RALYL: variants seen among roughly 807,000 people sequenced by gnomAD.
RALYL encodes the protein RALY RNA binding protein like, also known as RNA-binding Raly-like protein.
In RALYL, 29 loss-of-function variants were observed where a neutral mutation model predicts 35.1. That is an observed-to-expected ratio of 0.83 (90% CI 0.61 to 1.13). The LOEUF is 1.13. Among genes scored for constraint, RALYL ranks in the 50% most tolerant of loss-of-function variants. The pLI is 0.00. For synonymous variants in RALYL, 120 were observed against 127.6 expected (o/e 0.94, Z 0.40); for missense variants, 359 against 360.4 (o/e 1.00, Z 0.03).
chr8:84,791,971 C>T (rs1480748377), intron 3 of RALYL, among the ~76,000 whole-genome samples: 1 of 152,124 alleles, frequency 6.6e-6, no homozygotes, highest in East Asian at 1.9e-4. Flanking sequence ...TATGTGTGCA[C>T]TCAAACCCCT....
intron 2 of RALYL, among the ~76,000 whole-genome samples, chr8:84,722,302 G>A (rs1365465257): frequency 6.6e-6 from 1 of 151,824 alleles, no homozygotes; most frequent in African/African-American, 2.4e-5. Context: ...AGATAAAATT[G>A]TTAAAAGAGC....
intron 1 of RALYL, among the ~76,000 whole-genome samples, chr8:84,361,010 TA>T (rs1295951016): frequency 6.6e-6 from 1 of 151,068 alleles, no homozygotes; most frequent in Non-Finnish European, 1.5e-5. Context: ...TTTGCCATTT[TA>T]AGAATCAGTG....
intron 1 of RALYL, among the ~76,000 whole-genome samples, chr8:84,313,458 T>C (rs1272714475): frequency 1.3e-5 from 2 of 152,208 alleles, no homozygotes; most frequent in Non-Finnish European, 2.9e-5. Flanking sequence ...ATGATCTGCT[T>C]CCTTTTTAAA....
At chr8:84,331,807 T>C (rs892821491) in intron 1 of RALYL, among the ~76,000 whole-genome samples, 2 of 152,144 alleles carry the variant, frequency 1.3e-5, no homozygotes, top group East Asian at 1.9e-4. Context: ...TGCTGACTTA[T>C]TAAGCATAAT....
At chr8:84,659,936 T>C (rs1830599443) in intron 2 of RALYL, among the ~76,000 whole-genome samples, 1 of 152,146 alleles carries the variant, frequency 6.6e-6, no homozygotes. Context: ...AATCAGTAAA[T>C]ACTGTCTATA....
chr8:84,909,025 C>T (rs188593534), intron 8 of RALYL, among the ~76,000 whole-genome samples: 1 of 152,250 alleles, frequency 6.6e-6, no homozygotes, highest in East Asian at 1.9e-4. Flanking sequence ...TATTCCAAAT[C>T]CCTGAGGATC....
intron 6 of RALYL, chr8:84,872,843 A>G (rs1326442307): frequency 6.5e-6 from 1 of 152,714 alleles, no homozygotes; most frequent in African/African-American, 2.4e-5. Flanking sequence ...GGTTTCCATC[A>G]ATCTTCAAGG....
In RALYL at chr8:84,319,226, TAAAAC is replaced by T. The variant is rs570704021; in HGVS notation, c.-24+134805_-24+134809del. Among the ~76,000 whole-genome samples the T allele has an allele frequency of 1.4e-4, 22 of 152,294 alleles. No homozygotes were observed. The East Asian group carries it at 4.2e-3, about 29-fold the overall frequency. On this transcript the variant is annotated intron_variant, in intron 1 of 8. Coordinates refer to ENST00000521268, the MANE Select transcript of RALYL (RefSeq NM_173848.7). ...TAAATAGCTTGGTTACATTTATACT[TAAAAC>T]AACAGAATTATTGTACTTATTCATA...
At chr8:84,198,726 G>A (rs79562262) in intron 1 of RALYL, among the ~76,000 whole-genome samples, 7,968 of 152,078 alleles carry the variant, frequency 0.052, 691 homozygotes, top group African/African-American at 0.18. Flanking sequence ...TGGATCCCCA[G>A]AATAAGTAAG....
chr8:84,818,778 G>A (rs1440781563), intron 4 of RALYL, among the ~76,000 whole-genome samples: 1 of 152,150 alleles, frequency 6.6e-6, no homozygotes, highest in Non-Finnish European at 1.5e-5. Context: ...TTGAAAAGAT[G>A]CAGGACTTGA....
At chr8:84,199,030 A>G (rs995101686) in intron 1 of RALYL, among the ~76,000 whole-genome samples, 2 of 152,130 alleles carry the variant, frequency 1.3e-5, no homozygotes, top group African/African-American at 2.4e-5. Context: ...TTTCGGGATT[A>G]TGTGGTAGCT....
chr8:84,866,958 G>A (rs191771738), intron 6 of RALYL, among the ~76,000 whole-genome samples: 130 of 152,220 alleles, frequency 8.5e-4, no homozygotes, highest in Middle Eastern at 3.4e-3. Context: ...GCATTAGTTG[G>A]CGAGGGCTGC....
intron 2 of RALYL, among the ~76,000 whole-genome samples, chr8:84,647,955 A>C (rs1323183815): frequency 6.6e-6 from 1 of 152,140 alleles, no homozygotes; most frequent in African/African-American, 2.4e-5. Flanking sequence ...GAAGGATTAC[A>C]TTAAATGGTC....
chr8:84,616,610 G>C (rs1384209709), intron 2 of RALYL, among the ~76,000 whole-genome samples: 4 of 150,852 alleles, frequency 2.7e-5, no homozygotes. Flanking sequence ...GATCCCATTT[G>C]TCAATTTTGG....
At chr8:84,709,557 C>G (rs1210064903) in intron 2 of RALYL, among the ~76,000 whole-genome samples, 2 of 151,272 alleles carry the variant, frequency 1.3e-5, no homozygotes, top group African/African-American at 2.4e-5. Context: ...ATATATTTTA[C>G]TTTAAAAAAA....
At chr8:84,543,709 C>T (rs2060170652) in intron 2 of RALYL, among the ~76,000 whole-genome samples, 2 of 152,124 alleles carry the variant, frequency 1.3e-5, no homozygotes, top group African/African-American at 4.8e-5. Flanking sequence ...GTCGTTTTGA[C>T]ATAACTCTAA....
intron 1 of RALYL, among the ~76,000 whole-genome samples, chr8:84,253,151 G>A (rs372124387): frequency 1.2e-3 from 139 of 117,582 alleles, no homozygotes; most frequent in African/African-American, 4.4e-3. Context: ...GCGTTTGTGT[G>A]TATGTGTCTG....
chr8:84,500,396 A>C (rs2056528095), intron 1 of RALYL, among the ~76,000 whole-genome samples: 1 of 152,194 alleles, frequency 6.6e-6, no homozygotes, highest in Admixed American at 6.6e-5. Context: ...TTTTTAAATG[A>C]ACTGTTTTTA....
chr8:84,724,814 T>G (rs150957886), intron 2 of RALYL, among the ~76,000 whole-genome samples: 3 of 151,880 alleles, frequency 2.0e-5, no homozygotes, highest in African/African-American at 7.2e-5. Context: ...CAGATAATCA[T>G]CAAATCAATA....
Sources: gnomAD v4.1 joint callset for allele counts (sites outside exome capture counted in the v4.1 genomes callset) on GRCh38, gnomAD v4.1.1 for gene constraint, MANE v1.5 for transcripts, NCBI Gene and HGNC (gene_info 2026-07-23, HGNC 2026-07-21) for gene names.